Variants in ZNF536 observed in about 807,000 individuals in gnomAD.
ZNF536 encodes the protein zinc finger protein 536.
A neutral mutation model predicts 84.5 loss-of-function variants in ZNF536; 13 were observed. That is an observed-to-expected ratio of 0.15 (90% confidence interval 0.10 to 0.24). The LOEUF is 0.24. Ranked by LOEUF, ZNF536 falls within the 10% of genes least tolerant of loss-of-function variation. The pLI is 1.00. For synonymous variants in ZNF536, 811 were observed against 742.5 expected, an observed-to-expected ratio of 1.09 and a Z score of -1.50; for missense variants, 1,536 against 1,747.5, an observed-to-expected ratio of 0.88 and a Z score of 2.16.
intron 1 of ZNF536, among the ~76,000 whole-genome samples, chr19:30,379,646 G>C (rs958128898): frequency 6.6e-6 from 1 of 151,204 alleles, no homozygotes. Context: ...GCTGGGGGGT[G>C]TAGTGGGTAT....
At chr19:30,229,571 T>TGGGG (rs60120185) in intron 1 of ZNF536, among the ~76,000 whole-genome samples, 105 of 151,480 alleles carry the variant, frequency 6.9e-4, no homozygotes, top group East Asian at 4.1e-3. Context: ...CTGCGGGTGG[T>TGGGG]GGGGGGGGCT....
intron 1 of ZNF536, among the ~76,000 whole-genome samples, chr19:30,597,392 G>T (rs996782124): frequency 6.6e-6 from 1 of 152,186 alleles, no homozygotes; most frequent in Non-Finnish European, 1.5e-5. Flanking sequence ...TAGAAAACAC[G>T]GCCAATAGCA....
chr19:30,314,432 T>G (rs899567959), intron 2 of ZNF536, among the ~76,000 whole-genome samples: 19 of 152,144 alleles, frequency 1.2e-4, no homozygotes, highest in Non-Finnish European at 1.9e-4. Context: ...TGGTACCTGC[T>G]GCCAGGTGCC....
intron 1 of ZNF536, among the ~76,000 whole-genome samples, chr19:30,606,227 A>T (rs2047870846): frequency 1.3e-5 from 1 of 75,498 alleles, no homozygotes; most frequent in African/African-American, 5.3e-5. Context: ...TATAAAATAA[A>T]ATAATAAAAT....
At chr19:30,303,354 G>T (rs2046247157) in intron 2 of ZNF536, among the ~76,000 whole-genome samples, 1 of 152,234 alleles carries the variant, frequency 6.6e-6, no homozygotes, top group African/African-American at 2.4e-5. Flanking sequence ...GAGAGGCAGG[G>T]CAAGAGAGGC....
At chr19:30,377,959 G>C (rs2048880100) in intron 1 of ZNF536, among the ~76,000 whole-genome samples, 1 of 152,102 alleles carries the variant, frequency 6.6e-6, no homozygotes, top group Admixed American at 6.5e-5. Flanking sequence ...GGCTCCCAAG[G>C]CCACCCTCTC....
chr19:30,487,731 G>A (rs2054355952), intron 2 of ZNF536, among the ~76,000 whole-genome samples: 1 of 152,130 alleles, frequency 6.6e-6, no homozygotes, highest in African/African-American at 2.4e-5. Context: ...TAGTAAACTA[G>A]CATAATGATC....
intron 1 of ZNF536, 94 bp from the exon 2 acceptor site, chr19:30,443,467 G>T (rs2148139784): frequency 6.8e-7 from 1 of 1,466,262 alleles, no homozygotes; most frequent in Non-Finnish European, 9.0e-7. Context: ...GTGTAGGTAA[G>T]GCATGAAATG....
At chr19:30,432,236 T>C (rs2051504428) in intron 1 of ZNF536, among the ~76,000 whole-genome samples, 1 of 152,116 alleles carries the variant, frequency 6.6e-6, no homozygotes, top group Admixed American at 6.6e-5. Flanking sequence ...ATTCCCAAAC[T>C]GCAGTCCGTG....
intron 1 of ZNF536, among the ~76,000 whole-genome samples, chr19:30,426,638 A>T (rs1033570622): frequency 6.6e-6 from 1 of 152,150 alleles, no homozygotes; most frequent in Admixed American, 6.5e-5. Flanking sequence ...ATGAGCACCC[A>T]CGCCTTGCCC....
At chr19:30,314,976 C>T (rs558441409) in intron 2 of ZNF536, among the ~76,000 whole-genome samples, 1 of 152,268 alleles carries the variant, frequency 6.6e-6, no homozygotes, top group South Asian at 2.1e-4. Context: ...CTCAGCGAGG[C>T]CTTTGTGGCC....
chr19:30,453,798 C>T (rs915918491), intron 2 of ZNF536, among the ~76,000 whole-genome samples: 6 of 152,248 alleles, frequency 3.9e-5, no homozygotes, highest in Non-Finnish European at 8.8e-5. Flanking sequence ...AGGCAGAATT[C>T]ATTTGCCTCC....
intron 1 of ZNF536, among the ~76,000 whole-genome samples, chr19:30,249,718 C>T (rs1035482033): frequency 7.2e-5 from 11 of 152,156 alleles, no homozygotes; most frequent in Non-Finnish European, 1.5e-4. Context: ...TGGAAACCCC[C>T]CACCCTGCCT....
At chr19:30,373,771 A>G (rs933824833) in intron 1 of ZNF536, among the ~76,000 whole-genome samples, 2 of 152,208 alleles carry the variant, frequency 1.3e-5, no homozygotes, top group South Asian at 4.1e-4. Flanking sequence ...CTGCATGCAA[A>G]TAGCAGCACA....
At chr19:30,522,126 G>C (rs941775539) in intron 2 of ZNF536, among the ~76,000 whole-genome samples, 16 of 151,386 alleles carry the variant, frequency 1.1e-4, no homozygotes, top group African/African-American at 3.9e-4. Context: ...AGTGGCCTCA[G>C]CTGTCTCCTT....
intron 1 of ZNF536, among the ~76,000 whole-genome samples, chr19:30,566,752 G>A (rs2046363711): frequency 6.6e-6 from 1 of 152,010 alleles, no homozygotes; most frequent in Non-Finnish European, 1.5e-5. Flanking sequence ...GTTCCTGGGA[G>A]TGGCCTCTCC....
intron 1 of ZNF536, among the ~76,000 whole-genome samples, chr19:30,683,181 T>C (rs1044551747): frequency 6.6e-6 from 1 of 152,130 alleles, no homozygotes; most frequent in Non-Finnish European, 1.5e-5. Flanking sequence ...CGAGGCAGGG[T>C]TGAAAGCCGG....
chr19:30,457,298 C>G (rs1256681566), intron 2 of ZNF536, among the ~76,000 whole-genome samples: 1 of 152,244 alleles, frequency 6.6e-6, no homozygotes, highest in Non-Finnish European at 1.5e-5. Flanking sequence ...TTAGGCCAAT[C>G]CTGGTGACTT....
intron 2 of ZNF536, among the ~76,000 whole-genome samples, chr19:30,469,351 G>C (rs2053540933): frequency 6.6e-6 from 1 of 152,142 alleles, no homozygotes; most frequent in Non-Finnish European, 1.5e-5. Context: ...GGCGGAGCTT[G>C]CAGTGAGCCG....
Sources: gnomAD v4.1 joint callset for allele counts (sites outside exome capture counted in the v4.1 genomes callset) on GRCh38, gnomAD v4.1.1 for gene constraint, MANE v1.5 for transcripts, NCBI Gene and HGNC (gene_info 2026-07-23, HGNC 2026-07-21) for gene names.